MGAM: variants seen among roughly 807,000 people sequenced by gnomAD.
MGAM encodes alpha-1,4-glucosidase.
MGAM carries 253 observed loss-of-function variants against 358.8 expected under a neutral mutation model. The observed-to-expected ratio is 0.71, with a 90% CI of 0.64 to 0.78. The LOEUF (loss-of-function observed/expected upper bound fraction) is 0.78, where lower values mean the gene tolerates loss of function less well. Ranked by LOEUF, MGAM falls within the 30% of genes least tolerant of loss-of-function variation. The pLI is 0.00. For missense variants in MGAM, 3,080 were observed against 3,432.6 expected, an observed-to-expected ratio of 0.90 and a Z score of 2.57; for synonymous variants, 1,105 against 1,227.1, an observed-to-expected ratio of 0.90 and a Z score of 2.08.
At chr7:142,040,460 G>C in intron 20 of MGAM, 1 of 584,356 alleles carries the variant, frequency 1.7e-6, no homozygotes, top group Non-Finnish European at 3.0e-6. Context: ...GCTTGGTCAG[G>C]AATCAGACTA....
rs1335413349 is a variant in MGAM at position 142,040,770 on chromosome 7, G to A, written c.2422G>A (p.Gly808Arg). The change falls in exon 21 of 71, where the codon GGA (glycine) becomes AGA (arginine). Residue 808 changes from glycine (G) to arginine (R), a missense_variant. Transcript: ENST00000475668. ...RKQKVEMELP[G>R]DKIGLHLRGG... ...GCAAAAAGTCGAGATGGAACTTCCT[G>A]GAGACAAAATTGGACTTCACCTTCG... 6.2e-7 allele frequency: 1 copy of A among 1,613,258 alleles called. No individual in the cohort carries two copies. The highest frequency in any genetic ancestry group is 1.7e-5 in the Admixed American group (1 of 59,938).
Position 142,091,896 on chromosome 7 carries a change from A to G in MGAM, c.6811-17A>G, listed in dbSNP as rs190194085. 7.1e-7 allele frequency: 1 copy of G among 1,402,752 alleles called. No individual in the cohort carries two copies. The highest frequency in any genetic ancestry group is 9.6e-7 in the Non-Finnish European group (1 of 1,037,164). 86.9% of individuals were successfully genotyped at this position (1,402,752 alleles called of 1,614,324 possible). Reference sequence around the variant, plus strand: ...TATATTTGTGTGGGACAAAGAAATTATATTTCTTTTTTATAGCTATATCGA... The same window carrying G: ...TATATTTGTGTGGGACAAAGAAATTGTATTTCTTTTTTATAGCTATATCGA... On this transcript the variant is annotated splice_polypyrimidine_tract_variant and intron_variant, in intron 57 of 70. Transcript: ENST00000475668.
At chr7:142,044,091 C>T (rs183437020) in intron 21 of MGAM, among the ~76,000 whole-genome samples, 8 of 140,170 alleles carry the variant, frequency 5.7e-5, no homozygotes, top group African/African-American at 1.3e-4. Flanking sequence ...TATACACATA[C>T]GACGTATAAT....
At chr7:142,070,044 T>C (rs1254751269) in intron 43 of MGAM, among the ~76,000 whole-genome samples, 1 of 143,886 alleles carries the variant, frequency 6.9e-6, no homozygotes, top group African/African-American at 2.5e-5. Flanking sequence ...ATAAAAACAA[T>C]TAGCCGGGTG....
At position 142,040,819 on chromosome 7, in the gene MGAM, A is replaced by T. The variant is rs1178640473; in HGVS notation, c.2471A>T (p.Gln824Leu). The T allele has an allele frequency of 6.2e-7, 1 of 1,612,626 alleles. No individual in the cohort carries two copies. Among genetic ancestry groups the T allele is most frequent in the Admixed American group, 1.7e-5 (1 of 59,832 alleles). ...CGAGGAGGCTACATCTTCCCCACACAGCAGCCAAATACAACCACTCTGGCC... is the reference window on the plus strand; with the variant it reads ...CGAGGAGGCTACATCTTCCCCACACTGCAGCCAAATACAACCACTCTGGCC... The part of the protein sequence containing the change: ...HLRGGYIFPT[Q>L]QPNTTTLASR... The change falls in exon 21 of 71, where the codon CAG (glutamine) becomes CTG (leucine). Residue 824 changes from glutamine (Q) to leucine (L), a missense_variant. Gln to Leu is a moderately radical substitution (Grantham distance 113). Around this residue, in one of 5 missense-constraint regions of MGAM, gnomAD observed 1,816 missense variants for 1,840.5 expected, o/e 0.99. Transcript: ENST00000475668.
chr7:142,004,020 T>C lies in MGAM; in HGVS notation c.-2-1509T>C, dbSNP rs139289935. ...TATCTTACACTGGTCAGAATGGCTA[T>C]TATTGAAAAGTCAAAAAACAACACA... is the stretch of plus-strand genomic sequence containing the variant. On this transcript the variant is annotated intron_variant, in intron 1 of 70. Coordinates refer to ENST00000475668, the MANE Select transcript of MGAM (RefSeq NM_001365693.1). Among the ~76,000 whole-genome samples, 207 of 152,160 alleles carry C rather than the reference T, an allele frequency of 1.4e-3. 1 individual carries two copies. Among genetic ancestry groups the C allele is most frequent in the African/African-American group, 4.5e-3 (188 of 41,546 alleles).
chr7:141,995,681 G>A (rs967032983), upstream of MGAM, among the ~76,000 whole-genome samples: 5 of 152,186 alleles, frequency 3.3e-5, no homozygotes. Flanking sequence ...GGTCATGGGA[G>A]CTGGCTTTTC....
chr7:142,082,176 C>T lies in MGAM; in HGVS notation c.6137C>T (p.Thr2046Ile). ...TSYRRDLEWH[T>I]WGMFSRDQPP... is the part of the protein sequence containing the mutation. ...TACAGGAGAGACTTGGAGTGGCACA[C>T]TTGGGGGATGTTCTCCCGAGACCAG... The change falls in exon 51 of 71, where the codon ACT becomes ATT. Residue 2046 changes from threonine to isoleucine, a missense_variant. By Grantham distance (89) the Thr-to-Ile change is moderately conservative. Around this residue, in one of 5 missense-constraint regions of MGAM, gnomAD observed 932 missense variants for 1,198.2 expected, o/e 0.78. Coordinates refer to ENST00000475668, the MANE Select transcript of MGAM (RefSeq NM_001365693.1). The T allele has an allele frequency of 6.4e-7, 1 of 1,555,454 alleles. No individual in the cohort carries two copies. Among genetic ancestry groups the T allele is most frequent in the South Asian group, 1.1e-5 (1 of 89,166 alleles).
intron 62 of MGAM, 40 bp downstream of exon 62, chr7:142,094,694 G>C (rs778670405): frequency 2.5e-5 from 41 of 1,612,516 alleles, no homozygotes; most frequent in Non-Finnish European, 3.5e-5. Context: ...CAAGAAGGTG[G>C]GGACATCTTT....
intron 2 of MGAM, among the ~76,000 whole-genome samples, chr7:142,007,848 A>G (rs1027251403): frequency 1.3e-5 from 2 of 152,076 alleles, no homozygotes; most frequent in South Asian, 4.1e-4. Flanking sequence ...GCATTCTTTG[A>G]CTTGGGGATT....
intron 34 of MGAM, among the ~76,000 whole-genome samples, chr7:142,061,411 AT>A (rs1282285881): frequency 2.0e-5 from 3 of 152,086 alleles, no homozygotes; most frequent in Non-Finnish European, 4.4e-5. Context: ...AACAAAAGGC[AT>A]CCCTGGCATG....
At chr7:142,050,639 T>G (rs2129030584) in intron 23 of MGAM, 58 bp from the exon 24 acceptor site, 59 of 1,517,618 alleles carry the variant, frequency 3.9e-5, no homozygotes, top group Non-Finnish European at 4.4e-5. Context: ...TTGAGTGACT[T>G]GAGAATCTGT....
Position 142,046,067 on chromosome 7 carries a change from A to ATTACATATAATATATAATATAATT in MGAM, c.2499-1717_2499-1716insTACATATAATATATAATATAATTT, listed in dbSNP as rs1563160367. 5.8e-4 allele frequency among the ~76,000 whole-genome samples: 79 copies of ATTACATATAATATATAATATAATT among 136,252 alleles called. 9 individuals are homozygous for ATTACATATAATATATAATATAATT. Among genetic ancestry groups the ATTACATATAATATATAATATAATT allele is most frequent in the African/African-American group, 1.9e-3 (65 of 34,536 alleles). 89.4% of individuals were successfully genotyped at this position (136,252 alleles called of 152,430 possible). A position where few individuals can be genotyped will look rare whatever the true frequency, so the allele number is the denominator to read the frequency against. On this transcript the variant is annotated intron_variant, in intron 21 of 70. Transcript: ENST00000475668. ...ATATACATACAATATGTAATATAAT[A>ATTACATATAATATATAATATAATT]TATAATATAGAAATTTATATGTGTA...
At chr7:142,035,628 C>T (rs1408837197) in intron 16 of MGAM, among the ~76,000 whole-genome samples, 1 of 151,958 alleles carries the variant, frequency 6.6e-6, no homozygotes, top group African/African-American at 2.4e-5. Flanking sequence ...TGAGCACAAA[C>T]AGTATAAGGG....
Position 142,051,953 on chromosome 7 carries a change from G to A in MGAM, c.2806-341G>A, listed in dbSNP as rs141677144. 7.5e-4 allele frequency among the ~76,000 whole-genome samples: 114 copies of A among 152,252 alleles called. 2 individuals carry two copies. Among genetic ancestry groups the A allele is most frequent in the South Asian group, 7.3e-3 (35 of 4,826 alleles). The stretch of plus-strand genomic sequence containing the variant: ...TGGTTTGGGCATTGGAGAGCAAGAG[G>A]ATCAACTCACTTTAGGATGACATCA... On this transcript the variant is annotated intron_variant, in intron 24 of 70. Transcript: ENST00000475668.
intron 34 of MGAM, 99 bp from the exon 35 acceptor site, chr7:142,062,469 T>C (rs1585038410): frequency 5.5e-6 from 8 of 1,458,210 alleles, no homozygotes; most frequent in Middle Eastern, 2.4e-4. Context: ...TCTGTCACCA[T>C]GCAGTTGAAG....
At chr7:142,099,555 T>C (rs575061743) in intron 66 of MGAM, 58 bp from the exon 67 acceptor site, 1 of 1,612,324 alleles carries the variant, frequency 6.2e-7, no homozygotes, top group East Asian at 2.2e-5. Context: ...GCAGGATGCA[T>C]TGTTCAGGGA....
chr7:142,007,117 C>G (rs1341708395), intron 2 of MGAM, among the ~76,000 whole-genome samples: 1 of 152,050 alleles, frequency 6.6e-6, no homozygotes, highest in African/African-American at 2.4e-5. Flanking sequence ...GATAGGTGCT[C>G]TTTTCAAATT....
intron 37 of MGAM, among the ~76,000 whole-genome samples, chr7:142,065,009 T>G (rs1276950912): frequency 6.6e-6 from 1 of 152,162 alleles, no homozygotes; most frequent in Non-Finnish European, 1.5e-5. Flanking sequence ...TCTAAGAGGA[T>G]CTTATAACCT....
Sources: gnomAD v4.1 joint callset for allele counts (sites outside exome capture counted in the v4.1 genomes callset) on GRCh38, gnomAD v4.1.1 for gene constraint, gnomAD v4.1.1 regional missense constraint, MANE v1.5 for transcripts, NCBI Gene and HGNC (gene_info 2026-07-23, HGNC 2026-07-21) for gene names.